RANBP10: variants seen among roughly 807,000 people sequenced by gnomAD.
RANBP10 encodes the protein RAN binding protein 10, also known as ran-binding protein 10.
In RANBP10, 24 loss-of-function variants were observed where a neutral mutation model predicts 72.8. The ratio of observed to expected loss-of-function variants is 0.33; its 90% CI spans 0.24 to 0.46. The LOEUF (loss-of-function observed/expected upper bound fraction) is 0.46, where lower values mean the gene tolerates loss of function less well. RANBP10 is among the 20% of genes least tolerant of loss of function. RANBP10 has a pLI of 1.00. For synonymous variants in RANBP10, 310 were observed against 322.3 expected, an observed-to-expected ratio of 0.96 and a Z score of 0.41; for missense variants, 679 against 817.5, an observed-to-expected ratio of 0.83 and a Z score of 2.07.
Position 67,747,565 on chromosome 16 carries a change from C to T in RANBP10, c.401-3110G>A, listed in dbSNP as rs148571931. Among the ~76,000 whole-genome samples, 495 of 152,150 alleles carry T rather than the reference C, an allele frequency of 3.3e-3. 1 individual carries two copies. The highest frequency in any genetic ancestry group is 5.6e-3 in the Non-Finnish European group (384 of 68,020). ...CTCGTCCAGACTGGAATGCAGTGGCCCAATCTCAGCTCACCACAATCTCCA... is the reference window on the plus strand; with the variant it reads ...CTCGTCCAGACTGGAATGCAGTGGCTCAATCTCAGCTCACCACAATCTCCA... On this transcript the variant is annotated intron_variant, in intron 3 of 13. Coordinates refer to ENST00000317506, the MANE Select transcript of RANBP10 (RefSeq NM_020850.3).
chr16:67,737,199 T>TC (rs1228408658), intron 5 of RANBP10, among the ~76,000 whole-genome samples: 7 of 133,690 alleles, frequency 5.2e-5, no homozygotes, highest in African/African-American at 1.7e-4. Context: ...TTTCTTTTTT[T>TC]TTTTTTTTTT....
chr16:67,766,387 C>T (rs1430317772), intron 3 of RANBP10, among the ~76,000 whole-genome samples: 1 of 152,116 alleles, frequency 6.6e-6, no homozygotes, highest in Non-Finnish European at 1.5e-5. Context: ...GATGTTTGTC[C>T]CCTCCAAATC....
rs768668931 is a variant in RANBP10, at chr16:67,734,963, A to G, written c.671T>C (p.Phe224Ser). Residue 224 changes from phenylalanine (F) to serine (S), a missense_variant, in exon 6 of 14, where the codon TTT becomes TCT. Phe to Ser is a radical substitution (Grantham distance 155). Coordinates refer to ENST00000317506, the MANE Select transcript of RANBP10 (RefSeq NM_020850.3). ...DANFGQQPFL[F>S]DIEDYMREWR... ...CTCCCGCATGTAGTCCTCAATGTCA[A>G]ACAGGAAGGGCTGCTGCCCAAAGTT... 6.2e-7 allele frequency: 1 copy of G among 1,614,138 alleles called. No individual in the cohort carries two copies. The highest frequency in any genetic ancestry group is 1.1e-5 in the South Asian group (1 of 91,072).
At chr16:67,747,595 C>T (rs1187962885) in intron 3 of RANBP10, among the ~76,000 whole-genome samples, 2 of 152,128 alleles carry the variant, frequency 1.3e-5, no homozygotes, top group Non-Finnish European at 2.9e-5. Context: ...TCTCCACCTT[C>T]CAGGCTCAAG....
intron 2 of RANBP10, among the ~76,000 whole-genome samples, chr16:67,800,843 G>C (rs1037069122): frequency 8.5e-5 from 13 of 152,086 alleles, no homozygotes; most frequent in African/African-American, 3.1e-4. Context: ...AACAGGTCTC[G>C]CCTACTGGGG....
intron 2 of RANBP10, among the ~76,000 whole-genome samples, chr16:67,789,966 G>A (rs2054993514): frequency 6.6e-6 from 1 of 151,424 alleles, no homozygotes; most frequent in Admixed American, 6.6e-5. Context: ...GCGTGGTGGT[G>A]CACACCTGTA....
chr16:67,768,630 C>T (rs559660567), intron 3 of RANBP10, among the ~76,000 whole-genome samples: 3 of 152,166 alleles, frequency 2.0e-5, no homozygotes, highest in East Asian at 1.9e-4. Flanking sequence ...GCAGGAGAAT[C>T]GCTTCAGCCT....
intron 2 of RANBP10, among the ~76,000 whole-genome samples, chr16:67,786,295 C>T (rs1204929991): frequency 2.0e-5 from 3 of 151,896 alleles, no homozygotes; most frequent in Non-Finnish European, 4.4e-5. Context: ...CACCACTGCA[C>T]TCCAGCCTGT....
At chr16:67,742,888 C>T (rs2053996201) in intron 4 of RANBP10, among the ~76,000 whole-genome samples, 1 of 152,194 alleles carries the variant, frequency 6.6e-6, no homozygotes, top group Non-Finnish European at 1.5e-5. Flanking sequence ...GAGGCCCTGG[C>T]CCACCCTCTA....
intron 2 of RANBP10, among the ~76,000 whole-genome samples, chr16:67,796,816 G>C (rs1484844988): frequency 6.6e-6 from 1 of 152,076 alleles, no homozygotes; most frequent in Non-Finnish European, 1.5e-5. Context: ...TCTTGTTCTG[G>C]CCCCTTCATG....
Position 67,729,946 on chromosome 16 carries a change from G to A in RANBP10, c.990C>T (p.Phe330=). The A allele has an allele frequency of 6.2e-7, 1 of 1,613,868 alleles. No individual in the cohort carries two copies. Among genetic ancestry groups the A allele is most frequent in the Non-Finnish European group, 8.5e-7 (1 of 1,180,026 alleles). The change falls in exon 8 of 14, where the codon TTC becomes TTT. Residue 330 remains phenylalanine (F), a synonymous_variant. Transcript: ENST00000317506. This position sits in a 1 kb window ranked among gnomAD's most constrained non-coding sequence, Gnocchi z 7.1. ...GLLEHNPNLL[F]MLKCRQFVEM... ...GGGTGCCCAAGACTTACTTGAGCAT[G>A]AAGAGGAGGTTGGGGTTGTGCTCCA...
Position 67,737,070 on chromosome 16 carries a change from T to A in RANBP10, c.591+943A>T, listed in dbSNP as rs374117458. ...GCCTGTGATGACTCATAATAGAGAC[T>A]GGAGTACAGGTGCGGGATGGCTGGA... is the stretch of plus-strand genomic sequence containing the variant. On this transcript the variant is annotated intron_variant, in intron 5 of 13. Transcript: ENST00000317506. Among the ~76,000 whole-genome samples the A allele has an allele frequency of 2.7e-5, 4 of 150,380 alleles. No individual in the cohort carries two copies. The South Asian group carries it at 8.4e-4, about 31-fold the overall frequency.
intron 3 of RANBP10, among the ~76,000 whole-genome samples, chr16:67,768,314 G>A (rs1365279026): frequency 1.3e-5 from 2 of 151,070 alleles, no homozygotes; most frequent in African/African-American, 2.4e-5. Flanking sequence ...GAGCTCAGGA[G>A]TTCAAGACCA....
At chr16:67,777,627 C>G (rs2054730886) in intron 2 of RANBP10, among the ~76,000 whole-genome samples, 1 of 152,094 alleles carries the variant, frequency 6.6e-6, no homozygotes, top group South Asian at 2.1e-4. Context: ...ATTACAGACA[C>G]AAATAAATGG....
intron 2 of RANBP10, among the ~76,000 whole-genome samples, chr16:67,794,034 C>T (rs949140900): frequency 2.6e-5 from 4 of 152,074 alleles, no homozygotes; most frequent in Non-Finnish European, 5.9e-5. Flanking sequence ...AGTATTCTAT[C>T]ACACCCCGCT....
At chr16:67,727,001 T>C (rs573919838) in intron 13 of RANBP10, among the ~76,000 whole-genome samples, 3 of 152,134 alleles carry the variant, frequency 2.0e-5, no homozygotes, top group Non-Finnish European at 4.4e-5. Flanking sequence ...TTTTGTTAGA[T>C]CCACTCACCT....
chr16:67,796,896 T>G (rs1035937189), intron 2 of RANBP10, among the ~76,000 whole-genome samples: 7 of 152,188 alleles, frequency 4.6e-5, no homozygotes, highest in African/African-American at 1.7e-4. Flanking sequence ...AAAGACATTT[T>G]ATATGGATTT....
At chr16:67,786,731 C>G (rs140346664) in intron 2 of RANBP10, among the ~76,000 whole-genome samples, 1 of 151,968 alleles carries the variant, frequency 6.6e-6, no homozygotes, top group African/African-American at 2.4e-5. Flanking sequence ...AGTTCGAGGA[C>G]AGCCTGGCCA....
intron 3 of RANBP10, among the ~76,000 whole-genome samples, chr16:67,746,838 C>T (rs2054090682): frequency 6.6e-6 from 1 of 152,130 alleles, no homozygotes; most frequent in South Asian, 2.1e-4. Context: ...GCGATCCATC[C>T]ATGTTGTTAG....
Sources: allele counts gnomAD v4.1 joint callset (sites outside exome capture counted in the v4.1 genomes callset), GRCh38; gene constraint gnomAD v4.1.1; non-coding constraint Gnocchi (gnomAD v3.1); transcripts MANE v1.5; gene names NCBI Gene and HGNC (gene_info 2026-07-23, HGNC 2026-07-21).